SLC38A12: variants seen among roughly 807,000 people sequenced by gnomAD.
SLC38A12 encodes solute carrier family 38 member 12, also known as putative sodium-coupled neutral amino acid transporter 12.
At chr17:74,809,741 A>G in the SLC38A12 span, among the ~76,000 whole-genome samples, 2 of 152,268 alleles carry the variant, frequency 1.3e-5, no homozygotes, top group Middle Eastern at 3.4e-3. Context: ...CAAGGGGGCA[A>G]CGTTGCATAA....
the SLC38A12 span, among the ~76,000 whole-genome samples, chr17:74,816,877 G>A: frequency 7.9e-5 from 12 of 152,054 alleles, no homozygotes; most frequent in Non-Finnish European, 1.5e-4. Context: ...AAGAGAGTAG[G>A]CTGTCTCTTT....
chr17:74,802,046 C>T, the SLC38A12 span, among the ~76,000 whole-genome samples: 147 of 152,238 alleles, frequency 9.7e-4, 3 homozygotes, highest in African/African-American at 3.3e-3. Context: ...CCTTTCTTCC[C>T]GGAGTTGCTC....
chr17:74,805,309 C>G, the SLC38A12 span, among the ~76,000 whole-genome samples: 1 of 152,232 alleles, frequency 6.6e-6, no homozygotes, highest in Non-Finnish European at 1.5e-5. The surrounding 1 kb of genome is among the most constrained non-coding windows in gnomAD (Gnocchi z 5.0). Context: ...GGAGTCCACA[C>G]CTAAGGCACT....
the SLC38A12 span, among the ~76,000 whole-genome samples, chr17:74,789,368 A>G: frequency 6.6e-6 from 1 of 152,038 alleles, no homozygotes; most frequent in East Asian, 1.9e-4. Context: ...CATCTCTACT[A>G]AAAATGCAAA....
chr17:74,803,534 C>G, the SLC38A12 span, among the ~76,000 whole-genome samples: 5 of 152,202 alleles, frequency 3.3e-5, no homozygotes, highest in African/African-American at 4.8e-5. Flanking sequence ...CTGCGCTGAG[C>G]TTTTTCAGGA....
the SLC38A12 span, among the ~76,000 whole-genome samples, chr17:74,800,993 C>A: frequency 6.6e-6 from 1 of 152,204 alleles, no homozygotes; most frequent in Non-Finnish European, 1.5e-5. Context: ...TCATGTGGTT[C>A]ACGTGAGTTA....
the SLC38A12 span, chr17:74,777,128 G>A: frequency 1.6e-6 from 1 of 640,200 alleles, no homozygotes; most frequent in South Asian, 1.8e-5. Flanking sequence ...CTCCCTCGGG[G>A]GTGAGTCTTG....
the SLC38A12 span, among the ~76,000 whole-genome samples, chr17:74,812,400 C>G: frequency 3.3e-5 from 5 of 152,134 alleles, no homozygotes; most frequent in Non-Finnish European, 7.4e-5. Context: ...TAAAAACTTC[C>G]AAACCAAAAC....
the SLC38A12 span, among the ~76,000 whole-genome samples, chr17:74,812,950 C>A: frequency 1.3e-5 from 2 of 152,152 alleles, no homozygotes; most frequent in Non-Finnish European, 2.9e-5. Context: ...GCTCTAGAAA[C>A]TCCATCTCAC....
At chr17:74,778,612 T>C in the SLC38A12 span, among the ~76,000 whole-genome samples, 6 of 147,736 alleles carry the variant, frequency 4.1e-5, no homozygotes, top group Non-Finnish European at 9.0e-5. Context: ...TCTTCACCCA[T>C]CACCTGTGTA....
At chr17:74,781,312 T>C in the SLC38A12 span, among the ~76,000 whole-genome samples, 6 of 152,292 alleles carry the variant, frequency 3.9e-5, no homozygotes, top group East Asian at 3.9e-4. Context: ...CTTTTTTTTT[T>C]CTTAAGACAG....
chr17:74,788,990 C>T, the SLC38A12 span: 2 of 796,378 alleles, frequency 2.5e-6, no homozygotes, highest in Non-Finnish European at 3.8e-6. Context: ...CGGCACTGCT[C>T]CTGGACCCCA....
the SLC38A12 span, chr17:74,838,184 G>A: frequency 1.2e-5 from 12 of 985,554 alleles, no homozygotes; most frequent in Admixed American, 6.1e-5. Flanking sequence ...GCCTCAGCCC[G>A]CTTTCTCTGT....
At chr17:74,814,919 C>T in the SLC38A12 span, among the ~76,000 whole-genome samples, 245 of 152,300 alleles carry the variant, frequency 1.6e-3, no homozygotes, top group African/African-American at 5.7e-3. Context: ...GTGGTATCAA[C>T]TGTGTGTTGG....
At chr17:74,781,233 C>G in the SLC38A12 span, among the ~76,000 whole-genome samples, 1 of 152,216 alleles carries the variant, frequency 6.6e-6, no homozygotes, top group Non-Finnish European at 1.5e-5. Flanking sequence ...TCAAGCATCC[C>G]TGAATTTACA....
At chr17:74,819,813 C>T in the SLC38A12 span, 4 of 1,614,218 alleles carry the variant, frequency 2.5e-6, no homozygotes, top group Non-Finnish European at 3.4e-6. Context: ...CAAGTACCTG[C>T]AGATCCTGAC....
chr17:74,795,475 A>C, the SLC38A12 span: 1 of 1,562,596 alleles, frequency 6.4e-7, no homozygotes, highest in Non-Finnish European at 8.8e-7. Flanking sequence ...CCCCCAGCCC[A>C]GCCAGGCGGC....
chr17:74,821,021 G>A, the SLC38A12 span, among the ~76,000 whole-genome samples: 1,630 of 152,290 alleles, frequency 0.011, 26 homozygotes, highest in African/African-American at 0.037. Context: ...AGGTAGCCCC[G>A]CCTCGCCCCT....
the SLC38A12 span, among the ~76,000 whole-genome samples, chr17:74,796,361 G>A: frequency 6.6e-6 from 1 of 152,218 alleles, no homozygotes; most frequent in Non-Finnish European, 1.5e-5. Flanking sequence ...AAATTTAGGT[G>A]TGCTAGGTGA....
Sources: gnomAD v4.1 joint callset for allele counts (sites outside exome capture counted in the v4.1 genomes callset) on GRCh38, gnomAD v4.1.1 for gene constraint, Gnocchi (gnomAD v3.1) non-coding constraint, MANE v1.5 for transcripts, NCBI Gene and HGNC (gene_info 2026-07-23, HGNC 2026-07-21) for gene names.